The following TXLNG variants were observed in gnomAD, a reference collection of about 807,000 sequenced individuals.
TXLNG encodes taxilin gamma.
Under a neutral mutation model 38.8 loss-of-function variants are expected in TXLNG, and 5 were observed. The ratio of observed to expected loss-of-function variants is 0.13; its 90% confidence interval spans 0.07 to 0.27. The LOEUF (loss-of-function observed/expected upper bound fraction) is 0.27, where lower values mean the gene tolerates loss of function less well. Ranked by LOEUF, TXLNG falls within the 10% of genes least tolerant of loss-of-function variation. TXLNG has a pLI of 1.00. For synonymous variants in TXLNG, 182 were observed against 158.2 expected, an observed-to-expected ratio of 1.15 and a Z score of -1.13; for missense variants, 393 against 398.2, an observed-to-expected ratio of 0.99 and a Z score of 0.11.
At chrX:16,841,395 A>G in intron 9 of TXLNG, 33 bp from the exon 10 acceptor site, 1 of 1,146,928 alleles carries the variant, frequency 8.7e-7, no homozygotes. Context: ...TTGATATTTA[A>G]CAGGGTTACA....
chrX:16,823,969 TC>T (rs1929078369), intron 3 of TXLNG, among the ~76,000 whole-genome samples: 1 of 111,495 alleles, frequency 9.0e-6, no homozygotes, highest in African/African-American at 3.3e-5. Context: ...ATTTAGTAGT[TC>T]CGTGTGTTGG....
intron 1 of TXLNG, among the ~76,000 whole-genome samples, chrX:16,804,984 GCTT>G (rs1928279284): frequency 5.5e-3 from 1 of 182 alleles, no homozygotes; most frequent in Non-Finnish European, 0.011. Flanking sequence ...CCCCCCCCCC[GCTT>G]TTTTTTTTTT....
intron 1 of TXLNG, among the ~76,000 whole-genome samples, chrX:16,809,806 A>G (rs771552209): frequency 1.8e-5 from 2 of 111,836 alleles, no homozygotes; most frequent in African/African-American, 6.5e-5. Flanking sequence ...CTGTATACAT[A>G]TATATAGTGC....
rs200711834 is a variant in TXLNG, at chrX:16,825,739, A to C, written c.499-2355A>C. Reference sequence around the variant, plus strand: ...AAATGCATCCGAAGTCTGTTTTTACACTGCCCACAAGAATGGTTTTAATTT... The same window carrying C: ...AAATGCATCCGAAGTCTGTTTTTACCCTGCCCACAAGAATGGTTTTAATTT... On this transcript the variant is annotated intron_variant, in intron 3 of 9. Coordinates refer to ENST00000380122, the MANE Select transcript of TXLNG (RefSeq NM_018360.3). Among the ~76,000 whole-genome samples the C allele has an allele frequency of 5.0e-3, 558 of 112,165 alleles. 4 individuals carry two copies. Among genetic ancestry groups the C allele is most frequent in the African/African-American group, 0.017 (538 of 30,889 alleles).
Position 16,843,834 on chromosome X carries a change from T to C in TXLNG, c.*2068T>C, listed in dbSNP as rs974830197. ...TATTATAGTGTTGAAAGGATATGGA[T>C]TCTGTCTGGGATGCATTTGTTGTCC... On this transcript the variant is annotated 3_prime_UTR_variant, in exon 10 of 10. Transcript: ENST00000380122. The C allele has an allele frequency of 8.9e-6, 1 of 111,764 alleles. No homozygotes were observed. The highest frequency in any genetic ancestry group is 1.9e-5 in the Non-Finnish European group (1 of 53,201). 9.2% of individuals were successfully genotyped at this position (111,764 alleles called of 1,213,427 possible). A position where few individuals can be genotyped will look rare whatever the true frequency, so the allele number is the denominator to read the frequency against.
chrX:16,830,915 A>C (rs112988161), intron 5 of TXLNG, among the ~76,000 whole-genome samples: 2,823 of 84,055 alleles, frequency 0.034, 149 homozygotes, highest in African/African-American at 0.12. Flanking sequence ...TAAATTGCCC[A>C]GGCTGGTCTT....
intron 1 of TXLNG, among the ~76,000 whole-genome samples, chrX:16,792,412 TC>T (rs1292836236): frequency 9.2e-6 from 1 of 108,502 alleles, no homozygotes; most frequent in African/African-American, 3.3e-5. Flanking sequence ...CCTGCTGCCC[TC>T]CCCCTAATTC....
At chrX:16,813,512 G>C (rs1195843770) in intron 1 of TXLNG, among the ~76,000 whole-genome samples, 1 of 108,739 alleles carries the variant, frequency 9.2e-6, no homozygotes, top group Non-Finnish European at 1.9e-5. Context: ...GCCTGGCATA[G>C]TGGCACATAC....
Position 16,805,856 on chromosome X carries a change from G to C in TXLNG, c.103-12718G>C, listed in dbSNP as rs757058644. Among the ~76,000 whole-genome samples, 3 of 112,460 alleles carry C rather than the reference G, an allele frequency of 2.7e-5. No individual in the cohort carries two copies. In the South Asian group the frequency reaches 1.1e-3, roughly 41 times the overall value. ...TATACCAAAATCTAATTATATAATAGTGCACAGTAATATTTTATCTGTTAA... is the reference window on the plus strand; with the variant it reads ...TATACCAAAATCTAATTATATAATACTGCACAGTAATATTTTATCTGTTAA... On this transcript the variant is annotated intron_variant, in intron 1 of 9. Coordinates refer to ENST00000380122, the MANE Select transcript of TXLNG (RefSeq NM_018360.3).
At chrX:16,791,467 G>A (rs1927702404) in intron 1 of TXLNG, among the ~76,000 whole-genome samples, 1 of 112,245 alleles carries the variant, frequency 8.9e-6, no homozygotes, top group Non-Finnish European at 1.9e-5. Flanking sequence ...GGATCAAATA[G>A]GACAAGCAGT....
intron 1 of TXLNG, among the ~76,000 whole-genome samples, chrX:16,801,286 T>C (rs1165001597): frequency 9.0e-6 from 1 of 111,706 alleles, no homozygotes; most frequent in Non-Finnish European, 1.9e-5. Flanking sequence ...CCCGGGTTCA[T>C]GCAATTCTCC....
intron 8 of TXLNG, among the ~76,000 whole-genome samples, chrX:16,838,641 A>T (rs1277837629): frequency 8.9e-6 from 1 of 112,311 alleles, no homozygotes; most frequent in African/African-American, 3.2e-5. Flanking sequence ...AGGTATTTTT[A>T]GACCTGGTAA....
chrX:16,826,418 G>C (rs1929168408), intron 3 of TXLNG, among the ~76,000 whole-genome samples: 1 of 111,661 alleles, frequency 9.0e-6, no homozygotes, highest in African/African-American at 3.3e-5. Flanking sequence ...TTCTTTTTCA[G>C]TAAAAGCTTT....
chrX:16,817,798 A>G (rs985644810), intron 1 of TXLNG, among the ~76,000 whole-genome samples: 10 of 112,389 alleles, frequency 8.9e-5, no homozygotes, highest in African/African-American at 3.2e-4. Flanking sequence ...ATCAGTCTCA[A>G]AATTTCCATG....
intron 3 of TXLNG, among the ~76,000 whole-genome samples, chrX:16,822,015 A>G (rs1227433539): frequency 1.9e-5 from 2 of 105,669 alleles, no homozygotes; most frequent in African/African-American, 6.9e-5. Flanking sequence ...AAATAAAAAA[A>G]CTGAATTCTG....
chrX:16,829,106 C>G (rs1198470960), intron 4 of TXLNG, among the ~76,000 whole-genome samples: 2 of 111,803 alleles, frequency 1.8e-5, no homozygotes, highest in African/African-American at 6.5e-5. Flanking sequence ...TTTTGACACT[C>G]ATATCCTAGC....
chrX:16,795,687 A>G (rs1211824186), intron 1 of TXLNG, among the ~76,000 whole-genome samples: 1 of 112,303 alleles, frequency 8.9e-6, no homozygotes, highest in East Asian at 2.8e-4. Flanking sequence ...GACAACTCCT[A>G]GAACTTACCC....
chrX:16,818,440 C>T, intron 1 of TXLNG, 134 bp from the exon 2 acceptor site: 2 of 655,114 alleles, frequency 3.1e-6, no homozygotes, highest in South Asian at 3.1e-5. Flanking sequence ...CTAGAAAGTA[C>T]CATATTTACA....
At chrX:16,805,915 T>C (rs73207138) in intron 1 of TXLNG, among the ~76,000 whole-genome samples, 1 of 112,640 alleles carries the variant, frequency 8.9e-6, no homozygotes, top group Non-Finnish European at 1.9e-5. Flanking sequence ...TTCTTTGTTC[T>C]AACACAGTAA....
Sources: allele counts gnomAD v4.1 joint callset (sites outside exome capture counted in the v4.1 genomes callset), GRCh38; gene constraint gnomAD v4.1.1; transcripts MANE v1.5; gene names NCBI Gene and HGNC (gene_info 2026-07-23, HGNC 2026-07-21).